STEAP1B: variants seen among roughly 807,000 people sequenced by gnomAD.
STEAP1B encodes the protein STEAP family member 1B.
A neutral mutation model predicts 27.9 loss-of-function variants in STEAP1B; 13 were observed. The observed-to-expected ratio is 0.47, with a 90% confidence interval of 0.30 to 0.74. The LOEUF is 0.74. Among genes scored for constraint, STEAP1B ranks in the 30% least tolerant of loss-of-function variants. The probability of loss-of-function intolerance (pLI) is 0.06; values close to 1 mark genes in which losing one functional copy is unlikely to be tolerated. For synonymous variants in STEAP1B, 86 were observed against 107.1 expected (o/e 0.80, Z 1.22); for missense variants, 250 against 298.7 (o/e 0.84, Z 1.20).
intron 4 of STEAP1B, among the ~76,000 whole-genome samples, chr7:22,460,129 G>A (rs940754706): frequency 6.6e-6 from 1 of 152,004 alleles, no homozygotes; most frequent in Non-Finnish European, 1.5e-5. Context: ...AGGAAACATA[G>A]TGAAACCCCG....
intron 4 of STEAP1B, among the ~76,000 whole-genome samples, chr7:22,425,980 T>A (rs1472490025): frequency 6.6e-6 from 1 of 152,166 alleles, no homozygotes; most frequent in Non-Finnish European, 1.5e-5. Context: ...CTACAGTTGT[T>A]TTTCTTCTTT....
chr7:22,446,916 C>A (rs1294480630), intron 4 of STEAP1B, among the ~76,000 whole-genome samples: 1 of 152,162 alleles, frequency 6.6e-6, no homozygotes, highest in African/African-American at 2.4e-5. Flanking sequence ...CTTGATTTTT[C>A]TGTCTCTCTC....
At chr7:22,450,406 T>C (rs1363078592) in intron 4 of STEAP1B, among the ~76,000 whole-genome samples, 3 of 152,232 alleles carry the variant, frequency 2.0e-5, no homozygotes, top group African/African-American at 7.2e-5. Flanking sequence ...TATCCAGTTT[T>C]CTTAGCACCA....
chr7:22,442,595 G>A (rs901431583), intron 4 of STEAP1B, among the ~76,000 whole-genome samples: 18 of 152,238 alleles, frequency 1.2e-4, no homozygotes, highest in African/African-American at 3.4e-4. Flanking sequence ...GAGGAACTGC[G>A]GGGGAGGGTG....
intron 4 of STEAP1B, among the ~76,000 whole-genome samples, chr7:22,469,673 A>C (rs1229206957): frequency 6.6e-6 from 1 of 152,212 alleles, no homozygotes. Flanking sequence ...ACAGATTTGT[A>C]GCTAGGAGCA....
chr7:22,446,100 G>A (rs183406436), intron 4 of STEAP1B, among the ~76,000 whole-genome samples: 56 of 152,344 alleles, frequency 3.7e-4, no homozygotes, highest in African/African-American at 1.2e-3. Flanking sequence ...TGCAGTTGTC[G>A]TTCAAAATGT....
intron 4 of STEAP1B, among the ~76,000 whole-genome samples, chr7:22,486,644 G>T (rs1419332364): frequency 6.6e-6 from 1 of 152,042 alleles, no homozygotes; most frequent in African/African-American, 2.4e-5. Flanking sequence ...ATCTTCTCCT[G>T]TGCCTGTCCC....
chr7:22,476,687 T>G (rs562684737), intron 4 of STEAP1B, among the ~76,000 whole-genome samples: 1 of 152,160 alleles, frequency 6.6e-6, no homozygotes, highest in African/African-American at 2.4e-5. Context: ...ACAGGGTCAT[T>G]CTTAGGGTGT....
intron 4 of STEAP1B, among the ~76,000 whole-genome samples, chr7:22,483,209 A>G (rs1375087697): frequency 1.3e-5 from 2 of 152,110 alleles, no homozygotes; most frequent in Non-Finnish European, 2.9e-5. Flanking sequence ...CTGAGGATAC[A>G]GGACAAAATT....
At chr7:22,453,229 C>T (rs928525355) in intron 4 of STEAP1B, among the ~76,000 whole-genome samples, 20 of 152,348 alleles carry the variant, frequency 1.3e-4, no homozygotes, top group African/African-American at 4.8e-4. Flanking sequence ...CATTACCCAT[C>T]TCAACCATCT....
chr7:22,458,019 G>C (rs774469938), intron 4 of STEAP1B, among the ~76,000 whole-genome samples: 4 of 152,194 alleles, frequency 2.6e-5, no homozygotes, highest in Non-Finnish European at 5.9e-5. Context: ...TTAATTTATT[G>C]TAAGTCCAGA....
chr7:22,466,731 T>C (rs556793612), intron 4 of STEAP1B, among the ~76,000 whole-genome samples: 2 of 152,298 alleles, frequency 1.3e-5, no homozygotes, highest in Admixed American at 6.5e-5. Flanking sequence ...CAAAACATGA[T>C]TGAGAGCTAC....
At chr7:22,468,327 T>C (rs1785821507) in intron 4 of STEAP1B, among the ~76,000 whole-genome samples, 3 of 152,106 alleles carry the variant, frequency 2.0e-5, no homozygotes, top group Non-Finnish European at 4.4e-5. Flanking sequence ...TATTATTACC[T>C]CCATTTTATA....
At chr7:22,436,632 G>T (rs760246069) in intron 4 of STEAP1B, among the ~76,000 whole-genome samples, 9 of 150,076 alleles carry the variant, frequency 6.0e-5, no homozygotes, top group Non-Finnish European at 7.4e-5. Context: ...ACTTACAAGT[G>T]AGAACATGTG....
At chr7:22,485,009 G>C (rs953047360) in intron 4 of STEAP1B, among the ~76,000 whole-genome samples, 5 of 152,216 alleles carry the variant, frequency 3.3e-5, no homozygotes, top group African/African-American at 1.2e-4. Flanking sequence ...GCTTTTCATA[G>C]ATGATCAAAG....
chr7:22,439,993 C>T (rs1785308350), intron 4 of STEAP1B, among the ~76,000 whole-genome samples: 1 of 152,160 alleles, frequency 6.6e-6, no homozygotes, highest in Non-Finnish European at 1.5e-5. Flanking sequence ...TAAATAACTA[C>T]TTGGCAAATC....
intron 4 of STEAP1B, among the ~76,000 whole-genome samples, chr7:22,444,741 C>T (rs1018132581): frequency 1.3e-5 from 2 of 152,198 alleles, no homozygotes; most frequent in African/African-American, 4.8e-5. Context: ...TTCCGGAACA[C>T]TTGCTGTTTT....
intron 4 of STEAP1B, among the ~76,000 whole-genome samples, chr7:22,462,321 G>A (rs1324209405): frequency 2.0e-5 from 3 of 146,350 alleles, no homozygotes; most frequent in Non-Finnish European, 3.0e-5. Context: ...ATGCTGGTGT[G>A]CTGCACCCAC....
intron 4 of STEAP1B, among the ~76,000 whole-genome samples, chr7:22,422,785 T>C (rs1295977840): frequency 1.3e-5 from 2 of 152,186 alleles, no homozygotes; most frequent in East Asian, 1.9e-4. Context: ...AAAGGGGATT[T>C]TTATCCCACT....
Sources: gnomAD v4.1 joint callset for allele counts (sites outside exome capture counted in the v4.1 genomes callset) on GRCh38, gnomAD v4.1.1 for gene constraint, MANE v1.5 for transcripts, NCBI Gene and HGNC (gene_info 2026-07-23, HGNC 2026-07-21) for gene names.